The following ZNF738 variants were observed in gnomAD, a reference collection of about 807,000 sequenced individuals.
ZNF738 encodes the protein zinc finger protein 738, also known as protein ZNF738.
A neutral mutation model predicts 9.2 loss-of-function variants in ZNF738; 10 were observed. That is an observed-to-expected ratio of 1.09 (90% CI 0.67 to 1.85). The LOEUF is 1.85. Ranked by LOEUF, ZNF738 falls within the 40% of genes most tolerant of loss-of-function variation. The pLI, the probability that ZNF738 is intolerant of heterozygous loss-of-function variation, is 0.00. For missense variants in ZNF738, 346 were observed against 283.6 expected, an observed-to-expected ratio of 1.22 and a Z score of -1.58; for synonymous variants, 113 against 94.5, an observed-to-expected ratio of 1.20 and a Z score of -1.14.
chr19:21,381,584 C>G, intron 4 of ZNF738: 1 of 592,656 alleles, frequency 1.7e-6, no homozygotes, highest in Non-Finnish European at 3.1e-6. Flanking sequence ...AGCTCCGTCT[C>G]CCGGGTTCAC....
rs1177901799 is a variant in ZNF738, at chr19:21,383,257, T to C, written c.711T>C (p.Cys237=). 4 of 1,588,074 alleles carry C rather than the reference T, an allele frequency of 2.5e-6. No individual in the cohort carries two copies. In the African/African-American group the frequency reaches 5.4e-5, roughly 21 times the overall value. ...IRENSYQCEE[C]GKAFKWFSTL... is the part of the protein sequence containing the mutation. Reference sequence around the variant, plus strand: ...AGAATTCTTACCAATGTGAAGAATGTGGCAAAGCCTTTAAATGGTTCTCAA... The same window carrying C: ...AGAATTCTTACCAATGTGAAGAATGCGGCAAAGCCTTTAAATGGTTCTCAA... The change falls in exon 5 of 5, where the codon TGT becomes TGC. Residue 237 remains cysteine (C), a synonymous_variant. Transcript: ENST00000683779.
Position 21,386,306 on chromosome 19 carries a change from C to A in ZNF738, c.*2632C>A. 1 of 292,898 alleles carries A rather than the reference C, an allele frequency of 3.4e-6. No homozygotes were observed. Among genetic ancestry groups the A allele is most frequent in the Non-Finnish European group, 7.0e-6 (1 of 143,432 alleles). 18.1% of individuals were successfully genotyped at this position (292,898 alleles called of 1,614,324 possible). A position where few individuals can be genotyped will look rare whatever the true frequency, so the allele number is the denominator to read the frequency against. ...CCTTTTAACTAATCCTCAACCCTTA[C>A]TACACATAAGATAATTAATGCTGGA... On this transcript the variant is annotated 3_prime_UTR_variant, in exon 5 of 5. Coordinates refer to ENST00000683779, the MANE Select transcript of ZNF738 (RefSeq NM_001355237.2).
chr19:21,381,376 A>C, intron 4 of ZNF738: 1 of 1,512,466 alleles, frequency 6.6e-7, no homozygotes. Flanking sequence ...CTCCATCTTG[A>C]ATAACTTCTT....
intron 2 of ZNF738, among the ~76,000 whole-genome samples, chr19:21,367,224 A>G (rs544416347): frequency 7.9e-5 from 12 of 152,240 alleles, no homozygotes; most frequent in South Asian, 6.2e-4. Context: ...TTTTTGTCCT[A>G]TACATTTCTT....
chr19:21,369,894 A>T (rs1379405243), intron 2 of ZNF738, among the ~76,000 whole-genome samples: 1 of 151,334 alleles, frequency 6.6e-6, no homozygotes, highest in East Asian at 1.9e-4. Flanking sequence ...GCTTACTGCA[A>T]CCTCCACCTC....
intron 4 of ZNF738, chr19:21,378,385 CT>C: frequency 5.4e-6 from 1 of 184,158 alleles, no homozygotes; most frequent in Non-Finnish European, 1.2e-5. Flanking sequence ...TTTTCAGCAC[CT>C]TTTATATGTA....
chr19:21,377,533 C>CAA, intron 4 of ZNF738: 1 of 554,174 alleles, frequency 1.8e-6, no homozygotes, highest in Non-Finnish European at 3.2e-6. Context: ...CACACACACA[C>CAA]AAAATTTGTC....
intron 2 of ZNF738, among the ~76,000 whole-genome samples, chr19:21,369,302 G>A (rs574448598): frequency 2.0e-5 from 3 of 151,972 alleles, no homozygotes; most frequent in African/African-American, 4.8e-5. Context: ...GTAGAGATAC[G>A]GCTTTGCCAT....
chr19:21,387,470 A>C lies in ZNF738; in HGVS notation c.*3796A>C, dbSNP rs140014931. 2.0e-5 allele frequency among the ~76,000 whole-genome samples: 3 copies of C among 152,194 alleles called. No homozygotes were observed. Among genetic ancestry groups the C allele is most frequent in the Non-Finnish European group, 1.5e-5 (1 of 68,016 alleles). ...CTCCCAAAGTGCTGGGATTACAGGC[A>C]TGAGCCACCACTCCCTGCCTTACTT... On this transcript the variant is annotated 3_prime_UTR_variant, in exon 5 of 5. Transcript: ENST00000683779.
intron 4 of ZNF738, among the ~76,000 whole-genome samples, chr19:21,380,295 A>G (rs1437428389): frequency 6.6e-6 from 1 of 152,252 alleles, no homozygotes; most frequent in African/African-American, 2.4e-5. Flanking sequence ...CCATCAAATT[A>G]TAAAGAAATT....
In ZNF738 at chr19:21,366,993, A is replaced by T. The variant is rs1158074791; in HGVS notation, c.96+5135A>T. 2.0e-5 allele frequency among the ~76,000 whole-genome samples: 3 copies of T among 152,176 alleles called. No homozygotes were observed. The East Asian group carries it at 5.8e-4, about 29-fold the overall frequency. ...CTGGAAATGCAGCCTGGTAGGTCTC[A>T]TCCTTATTTTACTCAGCCCCTATTC... On this transcript the variant is annotated intron_variant, in intron 2 of 4. Coordinates refer to ENST00000683779, the MANE Select transcript of ZNF738 (RefSeq NM_001355237.2).
intron 4 of ZNF738, among the ~76,000 whole-genome samples, chr19:21,380,091 T>A (rs1973985745): frequency 1.3e-5 from 2 of 152,174 alleles, no homozygotes; most frequent in African/African-American, 4.8e-5. Flanking sequence ...AGAAAGTATA[T>A]GCACACTGGG....
chr19:21,380,256 C>T (rs569055118), intron 4 of ZNF738, among the ~76,000 whole-genome samples: 5 of 152,232 alleles, frequency 3.3e-5, no homozygotes, highest in African/African-American at 1.2e-4. Context: ...ATTCTTCCCA[C>T]TCAAAATAAA....
chr19:21,373,276 A>T (rs1320237477), intron 2 of ZNF738, among the ~76,000 whole-genome samples: 1 of 152,114 alleles, frequency 6.6e-6, no homozygotes, highest in African/African-American at 2.4e-5. Flanking sequence ...CCCTTTCCAC[A>T]GGTTCTGTTT....
chr19:21,367,790 T>C (rs1403046382), intron 2 of ZNF738, among the ~76,000 whole-genome samples: 6 of 152,222 alleles, frequency 3.9e-5, no homozygotes, highest in South Asian at 2.1e-4. Context: ...CCACTAGACA[T>C]TGATGTGTCC....
intron 2 of ZNF738, among the ~76,000 whole-genome samples, chr19:21,365,228 T>G (rs551323755): frequency 2.6e-5 from 4 of 152,196 alleles, no homozygotes; most frequent in African/African-American, 9.6e-5. Flanking sequence ...TTGGTTTTGT[T>G]GGGTTTTATC....
At chr19:21,370,418 TC>T (rs1398223960) in intron 2 of ZNF738, among the ~76,000 whole-genome samples, 3 of 152,178 alleles carry the variant, frequency 2.0e-5, no homozygotes, top group Non-Finnish European at 2.9e-5. Flanking sequence ...TGGAAAGAAG[TC>T]CCCTTTTCTC....
rs372868224 is a variant in ZNF738 at position 21,359,043 on chromosome 19, C to A, written c.-98C>A. ...AACTCCGGGTCTCGTCTTCACTGCTCTGTGTCCTCTGCTCCTAGAGGCCCA... is the reference window on the plus strand; with the variant it reads ...AACTCCGGGTCTCGTCTTCACTGCTATGTGTCCTCTGCTCCTAGAGGCCCA... On this transcript the variant is annotated 5_prime_UTR_variant, in exon 1 of 5. It adds an upstream start codon to the 5' untranslated region. Transcript: ENST00000683779. The A allele has an allele frequency of 2.4e-6, 2 of 820,800 alleles. No homozygotes were observed. 50.8% of individuals were successfully genotyped at this position (820,800 alleles called of 1,614,324 possible).
intron 2 of ZNF738, among the ~76,000 whole-genome samples, chr19:21,370,555 T>C (rs924769639): frequency 1.3e-5 from 2 of 152,194 alleles, no homozygotes; most frequent in Non-Finnish European, 2.9e-5. Flanking sequence ...TCTAATTCAA[T>C]TTTGGAGCTC....
Sources: allele counts gnomAD v4.1 joint callset (sites outside exome capture counted in the v4.1 genomes callset), GRCh38; gene constraint gnomAD v4.1.1; transcripts MANE v1.5; gene names NCBI Gene and HGNC (gene_info 2026-07-23, HGNC 2026-07-21).